The following SPAG16 variants were observed in gnomAD, a reference collection of about 807,000 sequenced individuals.
The protein encoded by SPAG16 is sperm associated antigen 16, also known as sperm-associated antigen 16 protein.
A neutral mutation model predicts 80.4 loss-of-function variants in SPAG16; 86 were observed. The ratio of observed to expected loss-of-function variants is 1.07; its 90% CI spans 0.90 to 1.28. The LOEUF is 1.28. Among genes scored for constraint, SPAG16 ranks in the 50% most tolerant of loss-of-function variants. The pLI is 0.00. For missense variants in SPAG16, 870 were observed against 765.3 expected, an observed-to-expected ratio of 1.14 and a Z score of -1.61; for synonymous variants, 294 against 265.9, an observed-to-expected ratio of 1.11 and a Z score of -1.03.
At chr2:214,154,386 T>A (rs1449028461) in intron 15 of SPAG16, among the ~76,000 whole-genome samples, 2 of 151,970 alleles carry the variant, frequency 1.3e-5, no homozygotes, top group African/African-American at 4.8e-5. Context: ...CAGTATCAGA[T>A]CATTAAAATG....
intron 10 of SPAG16, among the ~76,000 whole-genome samples, chr2:213,605,547 T>C (rs2061228216): frequency 6.6e-6 from 1 of 152,140 alleles, no homozygotes; most frequent in East Asian, 1.9e-4. Context: ...TAGTGTGCAA[T>C]GGCCCGGTCT....
chr2:214,174,827 A>T (rs1257336940), intron 15 of SPAG16, among the ~76,000 whole-genome samples: 2 of 151,690 alleles, frequency 1.3e-5, no homozygotes, highest in African/African-American at 4.8e-5. Context: ...TCACTTTTGC[A>T]CGAATCTAAA....
At chr2:214,370,196 C>T (rs1699722554) in intron 15 of SPAG16, among the ~76,000 whole-genome samples, 1 of 152,100 alleles carries the variant, frequency 6.6e-6, no homozygotes, top group African/African-American at 2.4e-5. Flanking sequence ...TTCTGCAATT[C>T]CACCACAAAT....
chr2:214,015,044 A>G (rs993582926), intron 13 of SPAG16, among the ~76,000 whole-genome samples: 1 of 152,186 alleles, frequency 6.6e-6, no homozygotes, highest in African/African-American at 2.4e-5. Context: ...TATTTATGAA[A>G]GGTGAATCAT....
intron 10 of SPAG16, among the ~76,000 whole-genome samples, chr2:213,617,222 G>A (rs1214227834): frequency 6.6e-6 from 1 of 152,116 alleles, no homozygotes; most frequent in Non-Finnish European, 1.5e-5. Flanking sequence ...CTCCTAATAA[G>A]ACCTAGTCTG....
At chr2:214,382,097 C>T (rs1343429032) in intron 15 of SPAG16, among the ~76,000 whole-genome samples, 1 of 152,166 alleles carries the variant, frequency 6.6e-6, no homozygotes, top group African/African-American at 2.4e-5. Flanking sequence ...TCATTGAATA[C>T]CCCTCCAGTA....
intron 13 of SPAG16, among the ~76,000 whole-genome samples, chr2:214,032,967 CAA>C (rs997354749): frequency 7.9e-5 from 12 of 152,010 alleles, no homozygotes; most frequent in African/African-American, 2.7e-4. Context: ...TTTAGAAATT[CAA>C]AAGACTGTTA....
Position 213,855,138 on chromosome 2 carries a change from A to G in SPAG16, c.1071-7347A>G, listed in dbSNP as rs112853031. On this transcript the variant is annotated intron_variant, in intron 10 of 15. Coordinates refer to ENST00000331683, the MANE Select transcript of SPAG16 (RefSeq NM_024532.5). ...TGAATCTAGACAATTTTCAGAAAAT[A>G]GCAAGTGACAATAGTTTTAACTTTT... Among the ~76,000 whole-genome samples, 132 of 152,014 alleles carry G rather than the reference A, an allele frequency of 8.7e-4. 2 individuals are homozygous for G. Among genetic ancestry groups the G allele is most frequent in the African/African-American group, 3.0e-3 (124 of 41,242 alleles).
chr2:213,611,435 T>A (rs1486495140), intron 10 of SPAG16, among the ~76,000 whole-genome samples: 2 of 152,224 alleles, frequency 1.3e-5, no homozygotes, highest in Non-Finnish European at 2.9e-5. Flanking sequence ...ATAAATTTAA[T>A]GGTTACCAAA....
chr2:214,067,710 C>T (rs1249508070), intron 13 of SPAG16, among the ~76,000 whole-genome samples: 1 of 151,546 alleles, frequency 6.6e-6, no homozygotes, highest in Non-Finnish European at 1.5e-5. Context: ...TGAATACATC[C>T]GGGTCTTTTC....
chr2:214,335,755 CTT>C (rs71037369), intron 15 of SPAG16, among the ~76,000 whole-genome samples: 70 of 90,546 alleles, frequency 7.7e-4, no homozygotes, highest in African/African-American at 2.3e-3. Context: ...TATTAGGATT[CTT>C]TTTTTTTTTT....
At chr2:213,607,841 G>A (rs574506516) in intron 10 of SPAG16, among the ~76,000 whole-genome samples, 3 of 152,254 alleles carry the variant, frequency 2.0e-5, no homozygotes, top group Admixed American at 1.3e-4. Flanking sequence ...TAATTTGTCA[G>A]GTGCAACTGC....
At chr2:213,369,323 T>A (rs1372283148) in intron 8 of SPAG16, among the ~76,000 whole-genome samples, 16 of 152,214 alleles carry the variant, frequency 1.1e-4, no homozygotes, top group Non-Finnish European at 1.5e-4. Context: ...ATGAGAAATA[T>A]GTTTTCCTTT....
intron 15 of SPAG16, among the ~76,000 whole-genome samples, chr2:214,307,382 A>G (rs550792723): frequency 1.3e-4 from 19 of 151,832 alleles, no homozygotes; most frequent in South Asian, 4.2e-4. Flanking sequence ...TCATATCTCA[A>G]TCTCCTTCAG....
At chr2:213,466,499 T>C (rs1159311984) in intron 9 of SPAG16, among the ~76,000 whole-genome samples, 1 of 152,186 alleles carries the variant, frequency 6.6e-6, no homozygotes, top group Non-Finnish European at 1.5e-5. Flanking sequence ...GTGTCCATAA[T>C]CTGCAGAATC....
intron 11 of SPAG16, among the ~76,000 whole-genome samples, chr2:213,885,865 T>A: frequency 6.6e-6 from 1 of 152,144 alleles, no homozygotes; most frequent in East Asian, 1.9e-4. Context: ...TCAAAATAAT[T>A]CAGAGATCCA....
intron 14 of SPAG16, among the ~76,000 whole-genome samples, chr2:214,143,197 A>C (rs1247380455): frequency 6.7e-6 from 1 of 149,488 alleles, no homozygotes; most frequent in South Asian, 2.1e-4. Context: ...CCTCATTCAT[A>C]AAATGGAGGT....
intron 13 of SPAG16, among the ~76,000 whole-genome samples, chr2:214,038,542 T>G (rs2048831233): frequency 1.3e-5 from 2 of 152,320 alleles, no homozygotes; most frequent in African/African-American, 4.8e-5. Context: ...ATTTCTTTTT[T>G]TTTAGATTTT....
chr2:213,714,199 C>G (rs984688401), intron 10 of SPAG16, among the ~76,000 whole-genome samples: 2 of 152,152 alleles, frequency 1.3e-5, no homozygotes, highest in African/African-American at 4.8e-5. Flanking sequence ...TAGGTACAAA[C>G]AACTCGAGGA....
Sources: allele counts gnomAD v4.1 joint callset (sites outside exome capture counted in the v4.1 genomes callset), GRCh38; gene constraint gnomAD v4.1.1; transcripts MANE v1.5; gene names NCBI Gene and HGNC (gene_info 2026-07-23, HGNC 2026-07-21).